Variants in EXOC4 observed in about 807,000 individuals in gnomAD.
The protein encoded by EXOC4 is SEC8-like 1.
Under a neutral mutation model 107.2 loss-of-function variants are expected in EXOC4, and 71 were observed. That is an observed-to-expected ratio of 0.66 (90% confidence interval 0.55 to 0.81). The LOEUF (loss-of-function observed/expected upper bound fraction) is 0.81, where lower values mean the gene tolerates loss of function less well. Among genes scored for constraint, EXOC4 ranks in the 30% least tolerant of loss-of-function variants. The pLI is 0.00. For missense variants in EXOC4, 1,108 were observed against 1,189.6 expected (o/e 0.93, Z 1.01); for synonymous variants, 456 against 441.2 (o/e 1.03, Z -0.42).
chr7:133,900,823 A>G (rs908311245), intron 12 of EXOC4, among the ~76,000 whole-genome samples: 1 of 152,194 alleles, frequency 6.6e-6, no homozygotes, highest in African/African-American at 2.4e-5. Flanking sequence ...ATTTATGGTG[A>G]TTTTTGTAAA....
intron 10 of EXOC4, among the ~76,000 whole-genome samples, chr7:133,731,818 A>G (rs1795332341): frequency 6.6e-6 from 1 of 152,212 alleles, no homozygotes; most frequent in Non-Finnish European, 1.5e-5. Flanking sequence ...CATTTCAAAA[A>G]AAAATTTAAA....
intron 4 of EXOC4, among the ~76,000 whole-genome samples, chr7:133,314,795 T>C (rs1474690417): frequency 6.6e-6 from 1 of 152,226 alleles, no homozygotes; most frequent in Admixed American, 6.5e-5. Flanking sequence ...AATTTATCTG[T>C]ACTTTAAAAG....
intron 17 of EXOC4, among the ~76,000 whole-genome samples, chr7:134,036,276 C>A (rs1199042736): frequency 1.3e-5 from 2 of 152,162 alleles, no homozygotes; most frequent in East Asian, 3.9e-4. Context: ...TTCTCTCCAG[C>A]TTATGTATCA....
chr7:133,673,080 G>T (rs1793982698), intron 10 of EXOC4, among the ~76,000 whole-genome samples: 1 of 152,092 alleles, frequency 6.6e-6, no homozygotes, highest in South Asian at 2.1e-4. Flanking sequence ...CCCCTCCCCA[G>T]TTCTTCCAGG....
chr7:133,743,309 G>C (rs558131545), intron 10 of EXOC4, among the ~76,000 whole-genome samples: 54 of 152,286 alleles, frequency 3.5e-4, no homozygotes, highest in Middle Eastern at 3.4e-3. Flanking sequence ...CCTGATTGAA[G>C]GGCCTGGGTC....
chr7:134,049,106 T>C (rs1795724174), intron 17 of EXOC4, among the ~76,000 whole-genome samples: 1 of 152,236 alleles, frequency 6.6e-6, no homozygotes, highest in African/African-American at 2.4e-5. Context: ...GACTGTACTT[T>C]GTGAGTTTCT....
chr7:133,253,976 A>C (rs575343323), intron 1 of EXOC4: 3 of 152,202 alleles, frequency 2.0e-5, no homozygotes, highest in Non-Finnish European at 2.9e-5. Flanking sequence ...AAACCAATCT[A>C]AATAAAATTT....
At chr7:133,795,081 T>A (rs969959849) in intron 10 of EXOC4, among the ~76,000 whole-genome samples, 5 of 152,120 alleles carry the variant, frequency 3.3e-5, no homozygotes, top group Admixed American at 6.6e-5. Context: ...GAACTTTTTT[T>A]AAAAAATCAA....
rs571903296 is a variant in EXOC4, at chr7:133,588,664, G to A, written c.1418-41381G>A. ...TCGCAGCACTTTGGGAGGTGGTGGC[G>A]GGCAGATTACCTGAGGTCAGGAGTT... On this transcript the variant is annotated intron_variant, in intron 9 of 17. Coordinates refer to ENST00000253861, the MANE Select transcript of EXOC4 (RefSeq NM_021807.4). Among the ~76,000 whole-genome samples, 9 of 152,158 alleles carry A rather than the reference G, an allele frequency of 5.9e-5. No homozygotes were observed. In the South Asian group the frequency reaches 1.7e-3, roughly 28 times the overall value.
chr7:133,802,542 A>G (rs143610094), intron 10 of EXOC4, among the ~76,000 whole-genome samples: 138 of 152,290 alleles, frequency 9.1e-4, no homozygotes, highest in African/African-American at 3.2e-3. Flanking sequence ...TCAAAACCAA[A>G]CAGTGAAATG....
chr7:134,081,344 C>T, the EXOC4 span, among the ~76,000 whole-genome samples: 37 of 151,960 alleles, frequency 2.4e-4, no homozygotes, highest in East Asian at 2.9e-3. Flanking sequence ...AGCAAGACTC[C>T]GCCTCAAAAA....
intron 10 of EXOC4, among the ~76,000 whole-genome samples, chr7:133,798,718 A>G (rs987918417): frequency 4.6e-5 from 7 of 152,178 alleles, no homozygotes; most frequent in African/African-American, 7.2e-5. Context: ...CCTGTATATT[A>G]TGTTGCTCAA....
intron 9 of EXOC4, among the ~76,000 whole-genome samples, chr7:133,545,699 A>G (rs1800466850): frequency 6.6e-6 from 1 of 152,150 alleles, no homozygotes; most frequent in South Asian, 2.1e-4. Context: ...TACTGTCCCA[A>G]TAGTTGAATT....
intron 13 of EXOC4, among the ~76,000 whole-genome samples, chr7:133,928,362 C>G (rs10250129): frequency 0.037 from 5,558 of 152,168 alleles, 315 homozygotes; most frequent in African/African-American, 0.12. Context: ...GTAGCACTGC[C>G]GAAAGCCCGT....
At chr7:133,982,814 C>T (rs1193416925) in intron 14 of EXOC4, among the ~76,000 whole-genome samples, 2 of 152,034 alleles carry the variant, frequency 1.3e-5, no homozygotes, top group East Asian at 1.9e-4. Flanking sequence ...CAGGTCAGTC[C>T]GCCTCCAAAG....
At chr7:133,819,360 T>G (rs1352824744) in intron 11 of EXOC4, among the ~76,000 whole-genome samples, 1 of 151,744 alleles carries the variant, frequency 6.6e-6, no homozygotes, top group African/African-American at 2.4e-5. Flanking sequence ...TCCTAACACT[T>G]ATCACAACCC....
intron 14 of EXOC4, among the ~76,000 whole-genome samples, chr7:133,974,482 T>C (rs1793783139): frequency 6.6e-6 from 1 of 152,240 alleles, no homozygotes; most frequent in African/African-American, 2.4e-5. Context: ...TGTTGATTCA[T>C]AGAAATCTCT....
At chr7:133,791,407 C>G (rs1202593064) in intron 10 of EXOC4, among the ~76,000 whole-genome samples, 2 of 152,186 alleles carry the variant, frequency 1.3e-5, no homozygotes, top group East Asian at 3.9e-4. Flanking sequence ...TAATTTAGTT[C>G]TGTGTCCATA....
intron 17 of EXOC4, among the ~76,000 whole-genome samples, chr7:134,022,001 A>T (rs991461962): frequency 5.3e-5 from 8 of 152,124 alleles, no homozygotes; most frequent in African/African-American, 1.7e-4. Flanking sequence ...GATATATTTG[A>T]CCAGAAATTA....
Sources: allele counts gnomAD v4.1 joint callset (sites outside exome capture counted in the v4.1 genomes callset), GRCh38; gene constraint gnomAD v4.1.1; transcripts MANE v1.5; gene names NCBI Gene and HGNC (gene_info 2026-07-23, HGNC 2026-07-21).